Variants in SAMD12 observed in about 807,000 individuals in gnomAD.
The protein encoded by SAMD12 is sterile alpha motif domain-containing protein 12.
A neutral mutation model predicts 15.0 loss-of-function variants in SAMD12; 9 were observed. The observed-to-expected ratio is 0.60, with a 90% CI of 0.36 to 1.05. SAMD12 has a LOEUF of 1.05. Among genes scored for constraint, SAMD12 ranks in the 50% least tolerant of loss-of-function variants. The pLI is 0.01. For synonymous variants in SAMD12, 86 were observed against 90.1 expected, an observed-to-expected ratio of 0.96 and a Z score of 0.25; for missense variants, 230 against 234.2, an observed-to-expected ratio of 0.98 and a Z score of 0.12.
At chr8:118,555,881 T>C (rs886611138) in intron 2 of SAMD12, among the ~76,000 whole-genome samples, 2 of 152,238 alleles carry the variant, frequency 1.3e-5, no homozygotes, top group African/African-American at 2.4e-5. Context: ...ATAGTTACAA[T>C]TGGATCCTTG....
At chr8:118,162,482 A>G in the SAMD12 span, among the ~76,000 whole-genome samples, 1 of 151,868 alleles carries the variant, frequency 6.6e-6, no homozygotes, top group African/African-American at 2.4e-5. Flanking sequence ...TATAAATGAG[A>G]AGAGGGAGAA....
intron 4 of SAMD12, among the ~76,000 whole-genome samples, chr8:118,252,486 T>C (rs1489579927): frequency 1.4e-5 from 2 of 146,000 alleles, no homozygotes; most frequent in South Asian, 2.1e-4. Flanking sequence ...GTCTTGGTAG[T>C]GCTCTCTTGA....
chr8:118,439,516 T>A (rs916229202), intron 3 of SAMD12, among the ~76,000 whole-genome samples: 1 of 152,184 alleles, frequency 6.6e-6, no homozygotes, highest in South Asian at 2.1e-4. Context: ...TGTAGCCAAG[T>A]TCATGTGAAA....
intron 1 of SAMD12, among the ~76,000 whole-genome samples, chr8:118,599,962 T>G (rs569620901): frequency 6.6e-6 from 1 of 152,184 alleles, no homozygotes; most frequent in African/African-American, 2.4e-5. Context: ...GATCTACTCG[T>G]AGATCTCTCA....
chr8:118,442,183 A>G (rs1214582661), intron 2 of SAMD12, among the ~76,000 whole-genome samples: 1 of 152,202 alleles, frequency 6.6e-6, no homozygotes, highest in Non-Finnish European at 1.5e-5. Flanking sequence ...AGTGGAATAC[A>G]TGGTGAAGAT....
At chr8:118,499,938 C>A (rs1158983165) in intron 2 of SAMD12, among the ~76,000 whole-genome samples, 2 of 152,080 alleles carry the variant, frequency 1.3e-5, no homozygotes, top group East Asian at 3.9e-4. Context: ...CAACAAAGTG[C>A]CCTTTTATGC....
chr8:118,245,876 A>C (rs1028863860), intron 4 of SAMD12, among the ~76,000 whole-genome samples: 2 of 152,126 alleles, frequency 1.3e-5, no homozygotes, highest in African/African-American at 4.8e-5. Context: ...GATTGAGAAA[A>C]TGTAACCTAG....
chr8:118,372,852 G>A (rs1316213630), intron 4 of SAMD12, among the ~76,000 whole-genome samples: 1 of 152,004 alleles, frequency 6.6e-6, no homozygotes, highest in African/African-American at 2.4e-5. Flanking sequence ...AAAGTGAATG[G>A]GATGATGACA....
At chr8:118,233,402 T>C (rs570315305) in intron 4 of SAMD12, among the ~76,000 whole-genome samples, 28 of 152,274 alleles carry the variant, frequency 1.8e-4, no homozygotes, top group African/African-American at 6.3e-4. Context: ...TCAAGAGTAA[T>C]TGACATCTTC....
At chr8:118,309,224 T>C (rs1019049448) in intron 4 of SAMD12, among the ~76,000 whole-genome samples, 7 of 152,206 alleles carry the variant, frequency 4.6e-5, no homozygotes, top group Admixed American at 1.3e-4. Flanking sequence ...CTCCCACTTA[T>C]GAGTGAGAAC....
chr8:118,536,437 T>TACAGAC (rs59107770), intron 2 of SAMD12, among the ~76,000 whole-genome samples: 1 of 128,170 alleles, frequency 7.8e-6, no homozygotes, highest in African/African-American at 3.0e-5. Context: ...TGTAGACTGA[T>TACAGAC]ACACAAACAC....
chr8:118,564,547 T>C (rs1826797473), intron 2 of SAMD12, among the ~76,000 whole-genome samples: 1 of 152,226 alleles, frequency 6.6e-6, no homozygotes, highest in Admixed American at 6.5e-5. Context: ...ACAGTCTCTC[T>C]GTCTGGTAAA....
intron 4 of SAMD12, among the ~76,000 whole-genome samples, chr8:118,365,038 C>T (rs1162366052): frequency 6.6e-6 from 1 of 152,144 alleles, no homozygotes; most frequent in Non-Finnish European, 1.5e-5. Context: ...ATTCACAACC[C>T]TTCTGTAGTT....
intron 2 of SAMD12, among the ~76,000 whole-genome samples, chr8:118,531,585 G>A (rs917415838): frequency 6.6e-6 from 1 of 152,164 alleles, no homozygotes; most frequent in Admixed American, 6.5e-5. Flanking sequence ...CCATTTGTTT[G>A]TGTCCTCTTT....
intron 2 of SAMD12, among the ~76,000 whole-genome samples, chr8:118,500,937 G>A (rs538962309): frequency 1.3e-5 from 2 of 152,294 alleles, no homozygotes; most frequent in East Asian, 1.9e-4. Flanking sequence ...ACATTACAGG[G>A]TGTAAGAGGA....
At chr8:118,478,981 G>A (rs1824044482) in intron 2 of SAMD12, among the ~76,000 whole-genome samples, 1 of 152,158 alleles carries the variant, frequency 6.6e-6, no homozygotes, top group African/African-American at 2.4e-5. Flanking sequence ...GATTTGGTAG[G>A]TTGTTTTCCC....
intron 2 of SAMD12, among the ~76,000 whole-genome samples, chr8:118,547,249 T>C (rs1365101805): frequency 1.3e-5 from 2 of 152,190 alleles, no homozygotes; most frequent in African/African-American, 4.8e-5. Flanking sequence ...ATGAGTCTGC[T>C]GAAATTCTCT....
intron 4 of SAMD12, among the ~76,000 whole-genome samples, chr8:118,289,752 G>C (rs572243160): frequency 7.2e-4 from 109 of 152,236 alleles, no homozygotes; most frequent in Non-Finnish European, 1.4e-3. Context: ...TCTCCCTAAA[G>C]TTCTGAAAGG....
intron 2 of SAMD12, among the ~76,000 whole-genome samples, chr8:118,496,615 A>G (rs1321626306): frequency 2.6e-5 from 4 of 152,066 alleles, no homozygotes; most frequent in Admixed American, 6.6e-5. Context: ...AACTATAAAA[A>G]CCCTAGAAGA....
Sources: gnomAD v4.1 joint callset for allele counts (sites outside exome capture counted in the v4.1 genomes callset) on GRCh38, gnomAD v4.1.1 for gene constraint, MANE v1.5 for transcripts, NCBI Gene and HGNC (gene_info 2026-07-23, HGNC 2026-07-21) for gene names.